The following PRSS12 variants were observed in gnomAD, a reference collection of about 807,000 sequenced individuals.
The protein encoded by PRSS12 is neurotrypsin.
A neutral mutation model predicts 104.4 loss-of-function variants in PRSS12; 85 were observed. That is an observed-to-expected ratio of 0.81 (90% CI 0.68 to 0.98). PRSS12 has a LOEUF of 0.98. Ranked by LOEUF, PRSS12 falls within the 50% of genes least tolerant of loss-of-function variation. The pLI, the probability that PRSS12 is intolerant of heterozygous loss-of-function variation, is 0.00. For missense variants in PRSS12, 1,141 were observed against 1,139.2 expected (o/e 1.00, Z -0.02); for synonymous variants, 454 against 425.2 (o/e 1.07, Z -0.83).
chr4:118,287,932 A>T (rs1352179771), intron 11 of PRSS12, among the ~76,000 whole-genome samples: 1 of 152,214 alleles, frequency 6.6e-6, no homozygotes, highest in Non-Finnish European at 1.5e-5. Context: ...AAATTCCCAG[A>T]CAAGTTTGAG....
intron 1 of PRSS12, 91 bp downstream of exon 1, chr4:118,352,128 T>G (rs1239679093): frequency 3.2e-6 from 5 of 1,549,544 alleles, no homozygotes; most frequent in South Asian, 2.4e-5. Context: ...ACACACCCCG[T>G]CACTTTTTCC....
chr4:118,316,318 C>T lies in PRSS12; in HGVS notation c.1156G>A (p.Val386Ile). The change falls in exon 6 of 13, where the codon GTC becomes ATC. Residue 386 changes from valine (V) to isoleucine (I), a missense_variant. Physicochemically the swap from Val to Ile is conservative, Grantham distance 29. Coordinates refer to ENST00000296498, the MANE Select transcript of PRSS12 (RefSeq NM_003619.4). ...CCTTTCCCACCTGCAAGTCTGATGA[C>T]CCCATCTGTGATAAAGAGGAGACAC... ...GVSCTPLTDGVIRLAGGKGSH... is the reference protein window; with the variant it reads ...GVSCTPLTDGIIRLAGGKGSH... 1 of 1,613,980 alleles carries T rather than the reference C, an allele frequency of 6.2e-7. No homozygotes were observed. Among genetic ancestry groups the T allele is most frequent in the Non-Finnish European group, 8.5e-7 (1 of 1,179,986 alleles).
intron 4 of PRSS12, among the ~76,000 whole-genome samples, chr4:118,329,172 C>T (rs577367688): frequency 5.3e-4 from 81 of 152,250 alleles, no homozygotes; most frequent in African/African-American, 1.9e-3. Context: ...CCACCTTGGC[C>T]TCCTAAAGCA....
In PRSS12 at chr4:118,329,297, G is replaced by T. The variant is rs373380254; in HGVS notation, c.971+2419C>A. Among the ~76,000 whole-genome samples, 4 of 152,216 alleles carry T rather than the reference G, an allele frequency of 2.6e-5. No individual in the cohort carries two copies. In the East Asian group the frequency reaches 7.7e-4, roughly 29 times the overall value. Reference sequence around the variant, plus strand: ...CTATGGATTTTTCTAAGCAACAAAAGCTTGCCTTTACCCACAAATATATTA... The same window carrying T: ...CTATGGATTTTTCTAAGCAACAAAATCTTGCCTTTACCCACAAATATATTA... On this transcript the variant is annotated intron_variant, in intron 4 of 12. Transcript: ENST00000296498.
chr4:118,291,721 G>C (rs913205717), intron 11 of PRSS12, among the ~76,000 whole-genome samples: 6 of 152,090 alleles, frequency 3.9e-5, no homozygotes, highest in Admixed American at 2.0e-4. Flanking sequence ...AGACAGAATA[G>C]CAAGGTTCTT....
At chr4:118,289,690 A>G (rs1015784346) in intron 11 of PRSS12, among the ~76,000 whole-genome samples, 5 of 152,230 alleles carry the variant, frequency 3.3e-5, no homozygotes, top group Non-Finnish European at 7.3e-5. Flanking sequence ...ATGCCTTTTA[A>G]TAAACTTACA....
chr4:118,313,454 C>A, intron 6 of PRSS12, 57 bp from the exon 7 acceptor site: 4 of 1,566,412 alleles, frequency 2.6e-6, no homozygotes, highest in Non-Finnish European at 3.5e-6. Flanking sequence ...TTCAGGGAAC[C>A]ACAAAACATT....
Position 118,331,859 on chromosome 4 carries a change from C to A in PRSS12, c.828G>T (p.Thr276=), listed in dbSNP as rs778880059. The A allele has an allele frequency of 7.4e-6, 12 of 1,613,956 alleles. No individual in the cohort carries two copies. The highest frequency in any genetic ancestry group is 8.5e-6 in the Non-Finnish European group (10 of 1,180,036). The part of the protein sequence containing the change: ...AVTCSFSHGP[T]FPIIRLAGGS... The stretch of plus-strand genomic sequence containing the variant: ...CTCCAGCAAGGCGAATGATGGGGAA[C>A]GTTGGGCCTGTGCAATGTGAAGTTA... The change falls in exon 4 of 13, where the codon ACG becomes ACT. Residue 276 remains threonine, a synonymous_variant. Transcript: ENST00000296498.
chr4:118,344,423 TAA>T (rs10605749), intron 1 of PRSS12, among the ~76,000 whole-genome samples: 17,616 of 152,086 alleles, frequency 0.12, 1,337 homozygotes, highest in South Asian at 0.19. Context: ...TCTACAGTAC[TAA>T]GTTATACTAT....
intron 3 of PRSS12, among the ~76,000 whole-genome samples, chr4:118,334,209 TTA>T (rs1430186605): frequency 6.6e-6 from 1 of 152,176 alleles, no homozygotes; most frequent in Non-Finnish European, 1.5e-5. Flanking sequence ...TTTCTATATT[TTA>T]TATATGTTTA....
intron 1 of PRSS12, among the ~76,000 whole-genome samples, chr4:118,343,618 G>C (rs189794433): frequency 6.6e-6 from 1 of 151,984 alleles, no homozygotes; most frequent in Non-Finnish European, 1.5e-5. Context: ...TTAGCTGGGC[G>C]TGGTGGCCCA....
chr4:118,285,287 A>T (rs1742989019), intron 11 of PRSS12, among the ~76,000 whole-genome samples: 1 of 152,174 alleles, frequency 6.6e-6, no homozygotes, highest in Non-Finnish European at 1.5e-5. Flanking sequence ...AAAATTTAGG[A>T]TTATTTCACA....
rs374032515 is a variant in PRSS12 at position 118,335,558 on chromosome 4, A to G, written c.735T>C (p.Asn245=). The G allele has an allele frequency of 7.4e-6, 12 of 1,613,990 alleles. No individual in the cohort carries two copies. Among genetic ancestry groups the G allele is most frequent in the Non-Finnish European group, 1.0e-5 (12 of 1,179,994 alleles). ...AGATGTCTTTTTCACAAAGCAGTAT[A>G]TTTTCTTCATCTCCTCGGCAACGGA... ...SNVRCRGDEE[N]ILLCEKDIWQ... Residue 245 remains asparagine (N), a synonymous_variant, in exon 3 of 13, where the codon AAT becomes AAC. Transcript: ENST00000296498.
chr4:118,312,803 C>T (rs1743782164), intron 7 of PRSS12: 1 of 241,754 alleles, frequency 4.1e-6, no homozygotes, highest in Non-Finnish European at 8.2e-6. Flanking sequence ...AACCATGAGA[C>T]AGGGAGAGGA....
chr4:118,286,187 A>G (rs911064182), intron 11 of PRSS12, among the ~76,000 whole-genome samples: 3 of 152,178 alleles, frequency 2.0e-5, no homozygotes, highest in Non-Finnish European at 4.4e-5. Flanking sequence ...GCCTGATAAT[A>G]TAACTCCTTC....
At chr4:118,311,265 C>T (rs551363677) in intron 7 of PRSS12, among the ~76,000 whole-genome samples, 7 of 152,210 alleles carry the variant, frequency 4.6e-5, no homozygotes, top group African/African-American at 1.4e-4. Flanking sequence ...ATTACTTTTA[C>T]TAATCTAGAA....
chr4:118,346,619 C>T (rs1724362685), intron 1 of PRSS12, among the ~76,000 whole-genome samples: 1 of 151,974 alleles, frequency 6.6e-6, no homozygotes, highest in Non-Finnish European at 1.5e-5. Context: ...TCACAGGGGG[C>T]CCCAACCCCC....
rs374374471 is a variant in PRSS12 at position 118,313,407 on chromosome 4, T to C, written c.1293-10A>G. ...TGCTTGTTTACCATATCTGTGACAA[T>C]TGAATAAACACTGTGTATAGAACTT... On this transcript the variant is annotated splice_polypyrimidine_tract_variant and intron_variant, in intron 6 of 12. Transcript: ENST00000296498. The C allele has an allele frequency of 2.9e-5, 47 of 1,613,166 alleles. 1 individual carries two copies. The highest frequency in any genetic ancestry group is 1.3e-4 in the East Asian group (6 of 44,868).
At chr4:118,314,588 A>AC (rs1318590286) in intron 6 of PRSS12, among the ~76,000 whole-genome samples, 1 of 152,138 alleles carries the variant, frequency 6.6e-6, no homozygotes, top group Non-Finnish European at 1.5e-5. Flanking sequence ...GTACAAAAAA[A>AC]CCCAAAGTTT....
Sources: gnomAD v4.1 joint callset for allele counts (sites outside exome capture counted in the v4.1 genomes callset) on GRCh38, gnomAD v4.1.1 for gene constraint, MANE v1.5 for transcripts, NCBI Gene and HGNC (gene_info 2026-07-23, HGNC 2026-07-21) for gene names.